Variants in ABCC5 observed in about 807,000 individuals in gnomAD.
ABCC5 encodes the protein ATP binding cassette subfamily C member 5, also known as ATP-binding cassette sub-family C member 5.
Under a neutral mutation model 160.9 loss-of-function variants are expected in ABCC5, and 61 were observed. The observed-to-expected ratio is 0.38, with a 90% CI of 0.31 to 0.47. The LOEUF is 0.47. Among genes scored for constraint, ABCC5 ranks in the 20% least tolerant of loss-of-function variants. The probability of loss-of-function intolerance (pLI) is 0.99; values close to 1 mark genes in which losing one functional copy is unlikely to be tolerated. For synonymous variants in ABCC5, 666 were observed against 700.6 expected, an observed-to-expected ratio of 0.95 and a Z score of 0.78; for missense variants, 1,308 against 1,813.3, an observed-to-expected ratio of 0.72 and a Z score of 5.06.
chr3:183,961,080 C>A (rs1325658898), intron 16 of ABCC5, among the ~76,000 whole-genome samples: 1 of 152,192 alleles, frequency 6.6e-6, no homozygotes, highest in Non-Finnish European at 1.5e-5. Context: ...AGAGCCGCAG[C>A]ACCTGACCTG....
chr3:183,992,858 G>GACAAACAT, intron 2 of ABCC5, among the ~76,000 whole-genome samples: 1 of 152,240 alleles, frequency 6.6e-6, no homozygotes. Flanking sequence ...GCTAGGGGTT[G>GACAAACAT]ACAAACATTT....
chr3:183,967,441 G>A (rs987913458), intron 12 of ABCC5: 5 of 450,728 alleles, frequency 1.1e-5, no homozygotes, highest in African/African-American at 8.0e-5. Context: ...CTGAATGAAA[G>A]AAGGCATGAG....
intron 13 of ABCC5, 41 bp downstream of exon 13, chr3:183,965,336 G>A (rs28365027): frequency 0.057 from 92,439 of 1,613,954 alleles, 3,006 homozygotes; most frequent in Non-Finnish European, 0.064. Context: ...CATCTCACGC[G>A]GCCAAGATGG....
chr3:183,992,503 C>A lies in ABCC5; in HGVS notation c.130-3120G>T, dbSNP rs377037178. ...AAAACAGAGAATAAGGTGAGATTTTCATCGCTTTCAAAGCATATACGCCTG... is the reference window on the plus strand; with the variant it reads ...AAAACAGAGAATAAGGTGAGATTTTAATCGCTTTCAAAGCATATACGCCTG... On this transcript the variant is annotated intron_variant, in intron 2 of 29. Transcript: ENST00000334444. Among the ~76,000 whole-genome samples the A allele has an allele frequency of 7.2e-5, 11 of 152,186 alleles. No individual in the cohort carries two copies. In the East Asian group the frequency reaches 1.9e-3, roughly 27 times the overall value.
chr3:183,978,032 C>T (rs528119066), intron 9 of ABCC5, among the ~76,000 whole-genome samples: 3 of 152,294 alleles, frequency 2.0e-5, no homozygotes, highest in East Asian at 1.9e-4. Context: ...GGATTACAGG[C>T]GTGAGCCACC....
At chr3:183,925,347 T>C (rs73046508) in intron 29 of ABCC5, among the ~76,000 whole-genome samples, 43 of 152,262 alleles carry the variant, frequency 2.8e-4, no homozygotes, top group African/African-American at 8.7e-4. Context: ...AAGGACAAAT[T>C]AGTAAAGTAA....
intron 26 of ABCC5, among the ~76,000 whole-genome samples, chr3:183,933,380 CAG>C (rs1458701704): frequency 2.0e-5 from 3 of 152,022 alleles, no homozygotes; most frequent in Admixed American, 1.3e-4. Context: ...AGCCAGGCTC[CAG>C]ACAGTCCTCA....
chr3:183,932,122 G>A (rs1713238089), intron 26 of ABCC5, among the ~76,000 whole-genome samples: 1 of 152,204 alleles, frequency 6.6e-6, no homozygotes, highest in South Asian at 2.1e-4. Context: ...AAACACTGCA[G>A]TAAACCATGC....
intron 2 of ABCC5, among the ~76,000 whole-genome samples, chr3:184,002,912 G>T (rs927925897): frequency 5.9e-5 from 9 of 152,172 alleles, no homozygotes. Context: ...TTTCCAAGGG[G>T]GTTAAAGGCT....
Position 183,961,540 on chromosome 3 carries a change from G to A in ABCC5, c.2350C>T (p.Leu784=), listed in dbSNP as rs1716736983. The A allele has an allele frequency of 2.5e-6, 4 of 1,614,154 alleles. No individual in the cohort carries two copies. In the East Asian group the frequency reaches 8.9e-5, roughly 36 times the overall value. ...ACTGGCGGTGTCTCTCCCAGCAACA[G>A]GTTATTAAAAATGGTAGCATAGTCA... ...NGDYATIFNN[L]LLGETPPVEI... The change falls in exon 16 of 30, where the codon CTG becomes TTG. Residue 784 remains leucine, a synonymous_variant. Coordinates refer to ENST00000334444, the MANE Select transcript of ABCC5 (RefSeq NM_005688.4).
At chr3:183,994,438 C>T (rs553597900) in intron 2 of ABCC5, among the ~76,000 whole-genome samples, 27 of 151,942 alleles carry the variant, frequency 1.8e-4, no homozygotes, top group Non-Finnish European at 3.1e-4. Flanking sequence ...TGCAGTGGTG[C>T]AATCTCGGGT....
At chr3:183,925,414 T>C in intron 29 of ABCC5, 141 bp downstream of exon 29, 1 of 780,582 alleles carries the variant, frequency 1.3e-6, no homozygotes. Flanking sequence ...GCTGTATCCC[T>C]CCCAATAGCA....
chr3:183,978,521 G>A lies in ABCC5; in HGVS notation c.1278C>T (p.Phe426=), dbSNP rs375709303. 23 of 1,613,836 alleles carry A rather than the reference G, an allele frequency of 1.4e-5. No homozygotes were observed. Among genetic ancestry groups the A allele is most frequent in the East Asian group, 2.2e-5 (1 of 44,866 alleles). The change falls in exon 9 of 30, where the codon TTC becomes TTT. Residue 426 remains phenylalanine, a synonymous_variant. Transcript: ENST00000334444. ...VTFSVHMTLG[F]DLTAAQAFTV... ...CCCTGACCTGTGCTGCTGTCAGATC[G>A]AAGCCCAGGGTCATATGAACAGAGA... is the stretch of plus-strand genomic sequence containing the variant.
chr3:183,938,147 AT>A (rs1380462165), intron 25 of ABCC5, 87 bp from the exon 26 acceptor site: 6 of 1,306,690 alleles, frequency 4.6e-6, no homozygotes, highest in Non-Finnish European at 6.4e-6. Flanking sequence ...AATGCCAACT[AT>A]TTTTCCATTT....
At chr3:183,925,147 G>A (rs879931119) in intron 29 of ABCC5, among the ~76,000 whole-genome samples, 8 of 152,144 alleles carry the variant, frequency 5.3e-5, no homozygotes, top group South Asian at 2.1e-4. Context: ...CTCCGGGAGC[G>A]GTAATCATTG....
At chr3:183,961,972 G>A (rs905586703) in intron 15 of ABCC5, among the ~76,000 whole-genome samples, 1 of 152,128 alleles carries the variant, frequency 6.6e-6, no homozygotes, top group African/African-American at 2.4e-5. Flanking sequence ...AGTAGAGACG[G>A]GGTTTTGCCG....
At chr3:183,954,977 A>G (rs924447471) in intron 17 of ABCC5, among the ~76,000 whole-genome samples, 15 of 152,116 alleles carry the variant, frequency 9.9e-5, no homozygotes, top group African/African-American at 3.1e-4. Flanking sequence ...CTGATTGGCA[A>G]TTGGTTGAAA....
At chr3:183,978,455 C>A (rs1419548631) in intron 9 of ABCC5, 48 bp downstream of exon 9, 20 of 1,587,988 alleles carry the variant, frequency 1.3e-5, no homozygotes, top group Non-Finnish European at 1.5e-5. Context: ...CAGCCTCCAG[C>A]AAATGTGGTA....
In ABCC5 at chr3:183,925,683, T is replaced by C; in HGVS notation, c.4084A>G (p.Thr1362Ala). ...TCTTGAATCAATAAGTCTGTCTCTG[T>C]GTCCATGGCAGCTGTGGCTTCATCT... ...ILDEATAAMDTETDLLIQETI... is the reference protein window; with the variant it reads ...ILDEATAAMDAETDLLIQETI... The change falls in exon 29 of 30, where the codon ACA (threonine) becomes GCA (alanine). Residue 1362 changes from threonine to alanine, a missense_variant. Thr to Ala is a moderately conservative substitution (Grantham distance 58). Transcript: ENST00000334444. The C allele has an allele frequency of 6.2e-7, 1 of 1,614,004 alleles. No individual in the cohort carries two copies. Among genetic ancestry groups the C allele is most frequent in the Non-Finnish European group, 8.5e-7 (1 of 1,179,988 alleles).
Sources: allele counts gnomAD v4.1 joint callset (sites outside exome capture counted in the v4.1 genomes callset), GRCh38; gene constraint gnomAD v4.1.1; transcripts MANE v1.5; gene names NCBI Gene and HGNC (gene_info 2026-07-23, HGNC 2026-07-21).